Variants in PKIB observed in about 807,000 individuals in gnomAD.
PKIB encodes the protein cAMP-dependent protein kinase inhibitor beta.
PKIB carries 2 observed loss-of-function variants against 4.5 expected under a neutral mutation model. That is an observed-to-expected ratio of 0.44 (90% CI 0.18 to 1.39). The LOEUF is 1.39. Ranked by LOEUF, PKIB falls within the 40% of genes most tolerant of loss-of-function variation. PKIB has a pLI of 0.27. For synonymous variants in PKIB, 38 were observed against 36.0 expected (o/e 1.06, Z -0.20); for missense variants, 94 against 92.6 (o/e 1.02, Z -0.06).
upstream of PKIB, among the ~76,000 whole-genome samples, chr6:122,606,104 C>A (rs1774526254): frequency 6.6e-6 from 1 of 152,158 alleles, no homozygotes; most frequent in African/African-American, 2.4e-5. Flanking sequence ...CAGGGGAGAT[C>A]ATCCTGGATG....
At chr6:122,524,268 CCTCCTTCTT>C (rs1777033091) in intron 2 of PKIB, among the ~76,000 whole-genome samples, 1 of 147,952 alleles carries the variant, frequency 6.8e-6, no homozygotes, top group Non-Finnish European at 1.5e-5. Context: ...TCTTCCTCCT[CCTCCTTCTT>C]GTTCTTCCTT....
At chr6:122,542,933 C>T (rs1277779919) in intron 2 of PKIB, among the ~76,000 whole-genome samples, 6 of 152,144 alleles carry the variant, frequency 3.9e-5, no homozygotes, top group African/African-American at 1.4e-4. Flanking sequence ...GCCCCTCCCC[C>T]AGCCTCGCTG....
chr6:122,672,251 G>A (rs1474366950), intron 2 of PKIB, among the ~76,000 whole-genome samples: 1 of 152,156 alleles, frequency 6.6e-6, no homozygotes, highest in Non-Finnish European at 1.5e-5. Flanking sequence ...AGACCTTGAA[G>A]CCCGAGGTAC....
chr6:122,527,944 G>C (rs1759653643), intron 2 of PKIB, among the ~76,000 whole-genome samples: 1 of 152,070 alleles, frequency 6.6e-6, no homozygotes, highest in African/African-American at 2.4e-5. Context: ...ATTCTGTCTG[G>C]TTATTCTATT....
intron 3 of PKIB, among the ~76,000 whole-genome samples, chr6:122,697,542 A>G (rs1476722636): frequency 6.6e-6 from 1 of 151,936 alleles, no homozygotes; most frequent in Non-Finnish European, 1.5e-5. Flanking sequence ...AGTAAAAGCA[A>G]TTGAGAGACC....
intron 2 of PKIB, chr6:122,493,558 C>A (rs1489642973): frequency 1.3e-5 from 2 of 152,196 alleles, no homozygotes; most frequent in Non-Finnish European, 2.9e-5. Flanking sequence ...TTATGCATAT[C>A]TGAAGCTGTG....
intron 2 of PKIB, among the ~76,000 whole-genome samples, chr6:122,515,020 G>A (rs927925303): frequency 6.6e-6 from 1 of 152,148 alleles, no homozygotes; most frequent in African/African-American, 2.4e-5. Context: ...TGCTTATAGC[G>A]ATAAACTAAC....
intron 3 of PKIB, among the ~76,000 whole-genome samples, chr6:122,592,130 C>T (rs2114726294): frequency 1.3e-5 from 2 of 151,532 alleles, no homozygotes; most frequent in Middle Eastern, 6.8e-3. Context: ...TTTGATTCCC[C>T]TTTACATTAA....
chr6:122,538,869 T>C (rs1283039245), intron 2 of PKIB, among the ~76,000 whole-genome samples: 1 of 152,114 alleles, frequency 6.6e-6, no homozygotes, highest in African/African-American at 2.4e-5. Flanking sequence ...CAGTGTGGTT[T>C]GTAGTTCTCC....
chr6:122,575,657 T>A (rs895647662), intron 2 of PKIB, among the ~76,000 whole-genome samples: 4 of 152,170 alleles, frequency 2.6e-5, no homozygotes, highest in African/African-American at 7.2e-5. Flanking sequence ...CTAAGTGAAG[T>A]AATGCTGGAA....
At position 122,476,798 on chromosome 6, in the gene PKIB, G is replaced by A. The variant is rs146329046; in HGVS notation, c.-336-1053G>A. On this transcript the variant is annotated intron_variant, in intron 1 of 6. Coordinates refer to the PKIB transcript ENST00000392491. The stretch of plus-strand genomic sequence containing the variant: ...AACATTTCACTTTTCAAGGGCAGAT[G>A]TATTGACCTTGATAAAATAATGAAA... 6.9e-3 allele frequency among the ~76,000 whole-genome samples: 1,043 copies of A among 152,250 alleles called. 9 individuals carry two copies. Among genetic ancestry groups the A allele is most frequent in the South Asian group, 0.01 (50 of 4,830 alleles).
At chr6:122,657,877 G>A (rs1284595042) in intron 2 of PKIB, among the ~76,000 whole-genome samples, 4 of 152,154 alleles carry the variant, frequency 2.6e-5, no homozygotes, top group East Asian at 1.9e-4. Context: ...GCCATTAAGG[G>A]ACATAACTAA....
intron 3 of PKIB, among the ~76,000 whole-genome samples, chr6:122,596,110 C>T (rs1342634175): frequency 6.6e-6 from 1 of 152,234 alleles, no homozygotes; most frequent in Non-Finnish European, 1.5e-5. Flanking sequence ...GCCATTTCTC[C>T]TTCCATGCAA....
intron 2 of PKIB, among the ~76,000 whole-genome samples, chr6:122,669,575 T>G (rs1777370782): frequency 6.6e-6 from 1 of 152,196 alleles, no homozygotes; most frequent in African/African-American, 2.4e-5. Flanking sequence ...CTATTAATTT[T>G]CACATTTTCA....
intron 2 of PKIB, among the ~76,000 whole-genome samples, chr6:122,541,870 C>G (rs1777617179): frequency 1.3e-5 from 2 of 151,896 alleles, no homozygotes; most frequent in Admixed American, 1.3e-4. Context: ...TTCTCGGAGG[C>G]TTTGTTCGTT....
upstream of PKIB, among the ~76,000 whole-genome samples, chr6:122,609,310 A>T: frequency 6.6e-6 from 1 of 152,256 alleles, no homozygotes; most frequent in East Asian, 1.9e-4. Flanking sequence ...TCAGCTATTT[A>T]GCCTTGTTCA....
At chr6:122,541,546 A>G (rs1582686823) in intron 2 of PKIB, among the ~76,000 whole-genome samples, 2 of 151,976 alleles carry the variant, frequency 1.3e-5, no homozygotes, top group African/African-American at 4.8e-5. Flanking sequence ...TTCTGCCGAG[A>G]GATCCGCTGT....
At chr6:122,720,138 A>G (rs1481190475) in intron 4 of PKIB, among the ~76,000 whole-genome samples, 1 of 152,164 alleles carries the variant, frequency 6.6e-6, no homozygotes, top group Non-Finnish European at 1.5e-5. Flanking sequence ...ACAAATTTTG[A>G]GGTGAGGAAG....
At chr6:122,724,920 C>G (rs189970745) in intron 4 of PKIB, among the ~76,000 whole-genome samples, 2 of 152,184 alleles carry the variant, frequency 1.3e-5, no homozygotes, top group Admixed American at 1.3e-4. Context: ...CTGTCTGGCA[C>G]TTCATAACTC....
Sources: allele counts gnomAD v4.1 joint callset (sites outside exome capture counted in the v4.1 genomes callset), GRCh38; gene constraint gnomAD v4.1.1; transcripts MANE v1.5; gene names NCBI Gene and HGNC (gene_info 2026-07-23, HGNC 2026-07-21).